Variants in COL4A3 observed in about 807,000 individuals in gnomAD.
The protein encoded by COL4A3 is collagen alpha-3(IV) chain.
Under a neutral mutation model 217.4 loss-of-function variants are expected in COL4A3, and 135 were observed. That is an observed-to-expected ratio of 0.62 (90% CI 0.54 to 0.72). COL4A3 has a LOEUF of 0.72. COL4A3 is among the 30% of genes least tolerant of loss of function. The pLI is 0.00. For synonymous variants in COL4A3, 690 were observed against 736.3 expected, an observed-to-expected ratio of 0.94 and a Z score of 1.02; for missense variants, 1,868 against 2,119.9, an observed-to-expected ratio of 0.88 and a Z score of 2.33.
chr2:227,311,833 T>C lies in COL4A3; in HGVS notation c.4976T>C (p.Ile1659Thr), dbSNP rs75042602. 6.2e-7 allele frequency: 1 copy of C among 1,614,000 alleles called. No individual in the cohort carries two copies. Among genetic ancestry groups the C allele is most frequent in the African/African-American group, 1.3e-5 (1 of 75,040 alleles). Residue 1659 changes from isoleucine (I) to threonine (T), a missense_variant, in exon 52 of 52, where the codon ATA (isoleucine) becomes ACA (threonine). Around this residue, in one of 2 missense-constraint regions of COL4A3, gnomAD observed 1,503 missense variants for 1,786.1 expected, o/e 0.84. Coordinates refer to ENST00000396578, the MANE Select transcript of COL4A3 (RefSeq NM_000091.5). ...TVKAGELEKI[I>T]SRCQVCMKKR... Reference sequence around the variant, plus strand: ...AAAGCTGGGGAATTAGAAAAAATAATAAGTCGCTGTCAGGTGTGCATGAAG... The same window carrying C: ...AAAGCTGGGGAATTAGAAAAAATAACAAGTCGCTGTCAGGTGTGCATGAAG...
Position 227,217,885 on chromosome 2 carries a change from G to T in COL4A3, c.88-20083G>T, listed in dbSNP as rs1264041969. On this transcript the variant is annotated intron_variant, in intron 1 of 51. Coordinates refer to ENST00000396578, the MANE Select transcript of COL4A3 (RefSeq NM_000091.5). ...TTAAACATTATTCTGGACATTACTG[G>T]TTTTGCTTGTTCTGTTTTACAAAAT... Among the ~76,000 whole-genome samples the T allele has an allele frequency of 2.0e-5, 3 of 151,916 alleles. No individual in the cohort carries two copies. In the East Asian group the frequency reaches 5.8e-4, roughly 29 times the overall value.
chr2:227,182,498 G>C (rs1312680270), intron 1 of COL4A3, among the ~76,000 whole-genome samples: 5 of 152,116 alleles, frequency 3.3e-5, no homozygotes, highest in Non-Finnish European at 7.4e-5. Flanking sequence ...TGACCTCCCA[G>C]CAGGGGATAT....
intron 1 of COL4A3, among the ~76,000 whole-genome samples, chr2:227,205,710 AT>A (rs398105402): frequency 0.016 from 2,460 of 149,580 alleles, 69 homozygotes; most frequent in African/African-American, 0.056. Flanking sequence ...TTCAACAAAT[AT>A]TTTTTTTTTT....
chr2:227,297,386 A>G (rs1402468720), intron 41 of COL4A3, among the ~76,000 whole-genome samples: 1 of 152,210 alleles, frequency 6.6e-6, no homozygotes, highest in African/African-American at 2.4e-5. Flanking sequence ...TAGAACAGGT[A>G]TTACCTTCAT....
chr2:227,201,834 T>G (rs2066698403), intron 1 of COL4A3, among the ~76,000 whole-genome samples: 1 of 152,244 alleles, frequency 6.6e-6, no homozygotes, highest in Non-Finnish European at 1.5e-5. Context: ...AATTTTTTTC[T>G]AAGCACCTCC....
At chr2:227,275,890 G>T (rs763416307) in intron 26 of COL4A3, among the ~76,000 whole-genome samples, 3 of 151,428 alleles carry the variant, frequency 2.0e-5, no homozygotes, top group Non-Finnish European at 4.4e-5. Context: ...CAATTTTTTG[G>T]AATAGGCTCT....
Position 227,164,696 on chromosome 2 carries a change from G to T in COL4A3, c.-31G>T. On this transcript the variant is annotated 5_prime_UTR_variant, in exon 1 of 52. Transcript: ENST00000396578. This position sits in a 1 kb window ranked among gnomAD's most constrained non-coding sequence, Gnocchi z 4.8. ...TGGCCTGAGAGCCTGAGGGTCCCCG[G>T]ACTCGCCCAGGCTCTGAGCGCGCGC... 1 of 1,530,072 alleles carries T rather than the reference G, an allele frequency of 6.5e-7. No individual in the cohort carries two copies. Among genetic ancestry groups the T allele is most frequent in the South Asian group, 1.2e-5 (1 of 83,764 alleles). 94.8% of individuals were successfully genotyped at this position (1,530,072 alleles called of 1,614,324 possible). A position where few individuals can be genotyped will look rare whatever the true frequency, so the allele number is the denominator to read the frequency against.
chr2:227,294,842 A>G (rs979806877), intron 39 of COL4A3, 122 bp from the exon 40 acceptor site: 1 of 820,618 alleles, frequency 1.2e-6, no homozygotes. Context: ...GTTCTGAAAA[A>G]CAGCCTGTTT....
At chr2:227,225,552 G>A (rs1305184734) in intron 1 of COL4A3, among the ~76,000 whole-genome samples, 1 of 152,162 alleles carries the variant, frequency 6.6e-6, no homozygotes, top group Non-Finnish European at 1.5e-5. Context: ...AAGAGAGAGT[G>A]GAGGTGGGTG....
intron 43 of COL4A3, among the ~76,000 whole-genome samples, chr2:227,300,683 A>G (rs910326686): frequency 6.6e-6 from 1 of 152,160 alleles, no homozygotes; most frequent in Non-Finnish European, 1.5e-5. Flanking sequence ...AGGAGCCCAC[A>G]ATAAAGTGAG....
chr2:227,299,413 A>G (rs1287248843), intron 43 of COL4A3, among the ~76,000 whole-genome samples: 1 of 151,402 alleles, frequency 6.6e-6, no homozygotes, highest in African/African-American at 2.4e-5. Flanking sequence ...AACAAACAAA[A>G]CCATCAGATC....
chr2:227,307,617 C>T, intron 47 of COL4A3, 93 bp from the exon 48 acceptor site: 1 of 1,062,352 alleles, frequency 9.4e-7, no homozygotes, highest in Non-Finnish European at 1.4e-6. Context: ...TTTATGGGCT[C>T]AACATATATA....
chr2:227,276,505 A>G lies in COL4A3; in HGVS notation c.2020+28A>G, dbSNP rs376565691. 5.3e-6 allele frequency: 8 copies of G among 1,505,156 alleles called. No individual in the cohort carries two copies. The African/African-American group carries it at 9.6e-5, about 18-fold the overall frequency. The allele number at this position is 1,505,156 out of a possible 1,614,324, so 93.2% of individuals were successfully genotyped here. On this transcript the variant is annotated intron_variant, in intron 27 of 51. Transcript: ENST00000396578. The stretch of plus-strand genomic sequence containing the variant: ...AAGTATCCTCTGCCAAATCTGGTAC[A>G]TGGCATCAGACACACACAACACCCT...
chr2:227,284,228 G>C lies in COL4A3; in HGVS notation c.2764G>C (p.Gly922Arg), dbSNP rs1405970656. The change falls in exon 34 of 52, where the codon GGA becomes CGA. Residue 922 changes from glycine to arginine, a missense_variant. By Grantham distance (125) the Gly-to-Arg change is moderately radical. Transcript: ENST00000396578. The part of the protein sequence containing the change: ...PGQRGSPGIP[G>R]VKGQRGTPGA... ...TCTGTTAGGGAGCCCTGGAATTCCAGGAGTAAAGGGCCAGAGAGGAACCCC... is the reference window on the plus strand; with the variant it reads ...TCTGTTAGGGAGCCCTGGAATTCCACGAGTAAAGGGCCAGAGAGGAACCCC... The C allele has an allele frequency of 1.2e-6, 2 of 1,614,058 alleles. No individual in the cohort carries two copies. Among genetic ancestry groups the C allele is most frequent in the African/African-American group, 1.3e-5 (1 of 75,036 alleles).
chr2:227,222,174 T>TAAAAAA (rs1553744308), intron 1 of COL4A3, among the ~76,000 whole-genome samples: 58 of 113,166 alleles, frequency 5.1e-4, no homozygotes, highest in Middle Eastern at 4.1e-3. Flanking sequence ...ATGATAATGA[T>TAAAAAA]AATAAAAAGC....
intron 43 of COL4A3, among the ~76,000 whole-genome samples, chr2:227,300,230 G>A (rs1005605514): frequency 6.6e-6 from 1 of 152,232 alleles, no homozygotes; most frequent in African/African-American, 2.4e-5. Flanking sequence ...ACCATTTTAG[G>A]AATCAGACCT....
chr2:227,168,990 T>C (rs112687480), intron 1 of COL4A3, among the ~76,000 whole-genome samples: 6,604 of 150,206 alleles, frequency 0.044, 170 homozygotes, highest in Admixed American at 0.077. Context: ...GCTGCACCCA[T>C]TAACTCGTCA....
chr2:227,240,687 T>C (rs1318343493), intron 3 of COL4A3, among the ~76,000 whole-genome samples: 2 of 152,238 alleles, frequency 1.3e-5, no homozygotes, highest in Non-Finnish European at 2.9e-5. Flanking sequence ...TTTTCCATGA[T>C]AATACAAAAC....
Position 227,225,353 on chromosome 2 carries a change from C to A in COL4A3, c.88-12615C>A, listed in dbSNP as rs1402466756. Among the ~76,000 whole-genome samples the A allele has an allele frequency of 2.0e-5, 3 of 152,214 alleles. No homozygotes were observed. The South Asian group carries it at 6.2e-4, about 31-fold the overall frequency. On this transcript the variant is annotated intron_variant, in intron 1 of 51. Coordinates refer to ENST00000396578, the MANE Select transcript of COL4A3 (RefSeq NM_000091.5). ...AGCTCGAATTTTCCATCACTTGTGG[C>A]ACTGGTGGCAGCTTTCTGTCTTTTT... is the stretch of plus-strand genomic sequence containing the variant.
Sources: allele counts gnomAD v4.1 joint callset (sites outside exome capture counted in the v4.1 genomes callset), GRCh38; gene constraint gnomAD v4.1.1; regional missense constraint gnomAD v4.1.1; non-coding constraint Gnocchi (gnomAD v3.1); transcripts MANE v1.5; gene names NCBI Gene and HGNC (gene_info 2026-07-23, HGNC 2026-07-21).